Variants in ASIC2 observed in about 807,000 individuals in gnomAD.
ASIC2 encodes acid-sensing ion channel 2.
In ASIC2, 25 loss-of-function variants were observed where a neutral mutation model predicts 57.3. That is an observed-to-expected ratio of 0.44 (90% CI 0.32 to 0.61). The LOEUF (loss-of-function observed/expected upper bound fraction) is 0.61. ASIC2 is among the 20% of genes least tolerant of loss of function. The pLI is 0.06. For synonymous variants in ASIC2, 319 were observed against 307.5 expected, an observed-to-expected ratio of 1.04 and a Z score of -0.39; for missense variants, 641 against 738.1, an observed-to-expected ratio of 0.87 and a Z score of 1.52.
chr17:33,701,241 G>A (rs558786994), intron 1 of ASIC2, among the ~76,000 whole-genome samples: 14 of 152,194 alleles, frequency 9.2e-5, no homozygotes, highest in African/African-American at 1.9e-4. Context: ...TGTGGTGGGC[G>A]GAGGGGGCAT....
chr17:33,818,343 CT>C (rs557066241), intron 1 of ASIC2, among the ~76,000 whole-genome samples: 37 of 152,184 alleles, frequency 2.4e-4, no homozygotes, highest in Admixed American at 1.9e-3. Context: ...ATGAATAAAC[CT>C]TTTGCATATA....
chr17:33,756,100 C>G (rs1259875175), intron 1 of ASIC2, among the ~76,000 whole-genome samples: 1 of 152,248 alleles, frequency 6.6e-6, no homozygotes, highest in African/African-American at 2.4e-5. Flanking sequence ...TCAGCATGAT[C>G]TGAACAGGCT....
chr17:33,414,610 C>G (rs1910775455), intron 1 of ASIC2, among the ~76,000 whole-genome samples: 2 of 152,180 alleles, frequency 1.3e-5, no homozygotes, highest in South Asian at 4.1e-4. Context: ...CTCATGTGCC[C>G]ACTGAGGCCA....
intron 1 of ASIC2, among the ~76,000 whole-genome samples, chr17:33,487,126 A>G (rs183764331): frequency 3.9e-4 from 60 of 152,358 alleles, no homozygotes; most frequent in Middle Eastern, 6.8e-3. Context: ...CCAGACAAGC[A>G]TTCCAGGTGA....
At chr17:33,153,616 A>G (rs899668420) in intron 1 of ASIC2, among the ~76,000 whole-genome samples, 1 of 152,232 alleles carries the variant, frequency 6.6e-6, no homozygotes, top group African/African-American at 2.4e-5. Context: ...TGCTTTCACA[A>G]TTTAAGTGAT....
chr17:33,843,514 T>A (rs1913498451), intron 1 of ASIC2, among the ~76,000 whole-genome samples: 1 of 152,196 alleles, frequency 6.6e-6, no homozygotes. Context: ...TGAGATTGTT[T>A]TGATAAACAT....
At chr17:33,687,047 T>A (rs12451197) in intron 1 of ASIC2, among the ~76,000 whole-genome samples, 74,729 of 152,006 alleles carry the variant, frequency 0.49, 18,731 homozygotes, top group African/African-American at 0.57. Flanking sequence ...TTCTATTGAC[T>A]GTGTGTCCTT....
chr17:33,504,943 C>G (rs1914206318), intron 1 of ASIC2, among the ~76,000 whole-genome samples: 1 of 152,102 alleles, frequency 6.6e-6, no homozygotes, highest in Non-Finnish European at 1.5e-5. Context: ...GGGAGTGGAG[C>G]TGGCTGTGGC....
In ASIC2 at chr17:33,534,622, G is replaced by A. The variant is rs1200739167; in HGVS notation, c.556-422555C>T. On this transcript the variant is annotated intron_variant, in intron 1 of 9. Coordinates refer to the ASIC2 transcript ENST00000359872. ...TCATCCTCCCAGCAAGCTTGGGTAT[G>A]TATTGTTATCCATCACCCCATAAAG... The A allele has an allele frequency of 2.0e-5, 3 of 152,202 alleles. No individual in the cohort carries two copies. The East Asian group carries it at 5.8e-4, about 29-fold the overall frequency. The allele number at this position is 152,202 out of a possible 1,614,324, so 9.4% of individuals were successfully genotyped here.
At chr17:34,015,628 C>G (rs188581224) in intron 1 of ASIC2, among the ~76,000 whole-genome samples, 1 of 152,230 alleles carries the variant, frequency 6.6e-6, no homozygotes, top group Non-Finnish European at 1.5e-5. Flanking sequence ...TTTCAAAAAT[C>G]TCATGTTCTG....
chr17:33,773,677 CAG>C (rs1406605588), intron 1 of ASIC2, among the ~76,000 whole-genome samples: 2 of 137,504 alleles, frequency 1.5e-5, no homozygotes, highest in East Asian at 4.1e-4. Flanking sequence ...TTTTTTGAGA[CAG>C]AGTCTCACTC....
chr17:33,794,871 G>A (rs1038071976), intron 1 of ASIC2: 3 of 152,112 alleles, frequency 2.0e-5, no homozygotes, highest in Non-Finnish European at 4.4e-5. Flanking sequence ...ACCAGGACTG[G>A]GGCCTGGTTC....
In ASIC2 at chr17:33,221,064, T is replaced by G. The variant is rs564366842; in HGVS notation, c.708+70344A>C. ...CCAGCCTGGGCCACAGAGAGAGAAC[T>G]TGTCTCAAAAAAAATAAAATAAAGT... On this transcript the variant is annotated intron_variant, in intron 1 of 9. Transcript: ENST00000225823. 1.5e-4 allele frequency among the ~76,000 whole-genome samples: 23 copies of G among 151,916 alleles called. No homozygotes were observed. The South Asian group carries it at 4.6e-3, about 30-fold the overall frequency.
intron 1 of ASIC2, among the ~76,000 whole-genome samples, chr17:33,946,190 T>A (rs185306899): frequency 6.6e-5 from 10 of 152,312 alleles, no homozygotes; most frequent in Non-Finnish European, 1.3e-4. Flanking sequence ...TAGACCTGCA[T>A]AAGTATATGA....
chr17:33,547,156 T>A (rs2141973725), intron 1 of ASIC2, among the ~76,000 whole-genome samples: 1 of 152,214 alleles, frequency 6.6e-6, no homozygotes, highest in South Asian at 2.1e-4. Context: ...GCTGCTGCTG[T>A]TGATATAGGA....
chr17:33,803,860 C>T (rs1364607856), intron 1 of ASIC2, among the ~76,000 whole-genome samples: 1 of 152,072 alleles, frequency 6.6e-6, no homozygotes, highest in African/African-American at 2.4e-5. Flanking sequence ...TCAGATTAAA[C>T]TACAGCCCAG....
At chr17:33,659,600 G>T (rs1025188488) in intron 1 of ASIC2, among the ~76,000 whole-genome samples, 1 of 152,172 alleles carries the variant, frequency 6.6e-6, no homozygotes, top group Admixed American at 6.5e-5. Context: ...GCGGGGCGCG[G>T]TGGCTCACGC....
intron 1 of ASIC2, among the ~76,000 whole-genome samples, chr17:34,015,313 A>G (rs1430417775): frequency 6.6e-6 from 1 of 152,160 alleles, no homozygotes; most frequent in East Asian, 1.9e-4. Context: ...ACCTCATCAC[A>G]GTCCAGTTTC....
chr17:33,707,669 C>T (rs775136888), intron 1 of ASIC2, among the ~76,000 whole-genome samples: 38 of 152,134 alleles, frequency 2.5e-4, no homozygotes, highest in Non-Finnish European at 4.6e-4. Context: ...AGTTCTGCAT[C>T]GTATTTATTT....
Sources: gnomAD v4.1 joint callset for allele counts (sites outside exome capture counted in the v4.1 genomes callset) on GRCh38, gnomAD v4.1.1 for gene constraint, MANE v1.5 for transcripts, NCBI Gene and HGNC (gene_info 2026-07-23, HGNC 2026-07-21) for gene names.